The following RASAL2 variants were observed in gnomAD, a reference collection of about 807,000 sequenced individuals.
RASAL2 encodes the protein RAS protein activator like 2.
A neutral mutation model predicts 128.9 loss-of-function variants in RASAL2; 58 were observed. The ratio of observed to expected loss-of-function variants is 0.45; its 90% confidence interval spans 0.36 to 0.56. The LOEUF (loss-of-function observed/expected upper bound fraction) is 0.56, where lower values mean the gene tolerates loss of function less well. Ranked by LOEUF, RASAL2 falls within the 20% of genes least tolerant of loss-of-function variation. The pLI is 0.00. For missense variants in RASAL2, 1,360 were observed against 1,601.6 expected, an observed-to-expected ratio of 0.85 and a Z score of 2.57; for synonymous variants, 561 against 580.8, an observed-to-expected ratio of 0.97 and a Z score of 0.49.
At chr1:178,203,137 A>G (rs1281157540) in intron 1 of RASAL2, among the ~76,000 whole-genome samples, 1 of 152,202 alleles carries the variant, frequency 6.6e-6, no homozygotes, top group Non-Finnish European at 1.5e-5. Context: ...GGGCTTGCCT[A>G]TCCTGCACAT....
intron 1 of RASAL2, among the ~76,000 whole-genome samples, chr1:178,110,519 G>GTA (rs1213571914): frequency 1.4e-5 from 2 of 139,388 alleles, no homozygotes; most frequent in Non-Finnish European, 3.1e-5. Context: ...CATATATAGT[G>GTA]TATATATATG....
chr1:178,453,834 G>A (rs1364087353), intron 11 of RASAL2, among the ~76,000 whole-genome samples: 2 of 152,020 alleles, frequency 1.3e-5, no homozygotes, highest in African/African-American at 2.4e-5. Flanking sequence ...TGAACAGATT[G>A]TTTTCTAGTA....
chr1:178,118,961 A>G (rs1035520480), intron 1 of RASAL2, among the ~76,000 whole-genome samples: 13 of 151,874 alleles, frequency 8.6e-5, no homozygotes, highest in Non-Finnish European at 1.8e-4. Flanking sequence ...TCTGCCTCCC[A>G]GGTTCAAGTG....
chr1:178,377,200 G>A (rs924199509), intron 3 of RASAL2, among the ~76,000 whole-genome samples: 2 of 151,858 alleles, frequency 1.3e-5, no homozygotes, highest in African/African-American at 4.8e-5. Context: ...TTAATTATTT[G>A]GCATTGGCAA....
At chr1:178,178,414 A>T (rs1040510080) in intron 1 of RASAL2, among the ~76,000 whole-genome samples, 1 of 152,098 alleles carries the variant, frequency 6.6e-6, no homozygotes, top group African/African-American at 2.4e-5. Context: ...TTCTAGACAG[A>T]TTCGTAACTA....
intron 2 of RASAL2, 150 bp from the exon 3 acceptor site, chr1:178,299,842 C>G: frequency 1.4e-6 from 1 of 733,176 alleles, no homozygotes; most frequent in Non-Finnish European, 2.1e-6. Context: ...TTGGTAATAC[C>G]TTACCATTGT....
chr1:178,436,205 G>A (rs1276606803), intron 5 of RASAL2, among the ~76,000 whole-genome samples: 1 of 152,008 alleles, frequency 6.6e-6, no homozygotes, highest in Non-Finnish European at 1.5e-5. Context: ...AATTACTTCT[G>A]TCTTCTTAGA....
intron 1 of RASAL2, among the ~76,000 whole-genome samples, chr1:178,138,945 T>C (rs1004088706): frequency 1.3e-5 from 2 of 152,130 alleles, no homozygotes; most frequent in African/African-American, 4.8e-5. Flanking sequence ...TTTAAGATTA[T>C]ATAATACCCT....
chr1:178,302,466 A>G (rs944967532), intron 3 of RASAL2, among the ~76,000 whole-genome samples: 1 of 152,240 alleles, frequency 6.6e-6, no homozygotes, highest in Non-Finnish European at 1.5e-5. Context: ...AGACTTCTAC[A>G]TAGAGAACTT....
intron 1 of RASAL2, among the ~76,000 whole-genome samples, chr1:178,172,291 T>A (rs148731658): frequency 1.1e-4 from 17 of 152,194 alleles, no homozygotes; most frequent in Non-Finnish European, 2.4e-4. Context: ...TGCCTCTGAC[T>A]GTGGCCTAAA....
chr1:178,251,418 A>G (rs890064053), intron 1 of RASAL2, among the ~76,000 whole-genome samples: 1 of 152,204 alleles, frequency 6.6e-6, no homozygotes, highest in African/African-American at 2.4e-5. Context: ...TGATTTCCTC[A>G]TCACTTAAGA....
chr1:178,367,247 C>T (rs530627270), intron 3 of RASAL2, among the ~76,000 whole-genome samples: 24 of 152,226 alleles, frequency 1.6e-4, no homozygotes, highest in African/African-American at 5.5e-4. Flanking sequence ...AGCTGCAGTG[C>T]CTCCTGGCTG....
chr1:178,464,335 G>A lies in RASAL2; in HGVS notation c.3310G>A (p.Val1104Ile). Residue 1104 changes from valine (V) to isoleucine (I), a missense_variant, in exon 15 of 18, where the codon GTT becomes ATT. Val to Ile is a conservative substitution (Grantham distance 29, BLOSUM62 3). Coordinates refer to ENST00000367649, the MANE Select transcript of RASAL2 (RefSeq NM_170692.4). Reference protein sequence around the residue: ...MSPVERTAAWVLNNGQYEEDV... With the variant: ...MSPVERTAAWILNNGQYEEDV... The stretch of plus-strand genomic sequence containing the variant: ...CCCAGTAGAGAGGACAGCAGCCTGG[G>A]TTCTGAACAATGGGCAGTATGAAGA... 1 of 1,613,790 alleles carries A rather than the reference G, an allele frequency of 6.2e-7. No individual in the cohort carries two copies. The highest frequency in any genetic ancestry group is 8.5e-7 in the Non-Finnish European group (1 of 1,179,814).
chr1:178,284,725 T>C (rs1197393491), intron 2 of RASAL2, among the ~76,000 whole-genome samples: 2 of 152,114 alleles, frequency 1.3e-5, no homozygotes, highest in African/African-American at 4.8e-5. Flanking sequence ...TAATTCCCAA[T>C]TTCCACCATA....
intron 5 of RASAL2, among the ~76,000 whole-genome samples, chr1:178,438,142 GT>G (rs1572072915): frequency 6.8e-6 from 1 of 147,682 alleles, no homozygotes; most frequent in Admixed American, 6.8e-5. Flanking sequence ...GTGTGTGTGT[GT>G]GGAAAGAAGA....
Position 178,196,168 on chromosome 1 carries a change from T to A in RASAL2, c.203-87396T>A, listed in dbSNP as rs150371745. ...AGTTCTACCCTCTCCTTGGGGTACT[T>A]CTTCTCATTAATTTAAAAAAATAAA... is the stretch of plus-strand genomic sequence containing the variant. On this transcript the variant is annotated intron_variant, in intron 1 of 17. Transcript: ENST00000367649. Among the ~76,000 whole-genome samples, 1,085 of 152,268 alleles carry A rather than the reference T, an allele frequency of 7.1e-3. 12 individuals are homozygous for A. The highest frequency in any genetic ancestry group is 0.024 in the African/African-American group (1,004 of 41,574).
chr1:178,470,772 GC>G, intron 17 of RASAL2: 2 of 1,337,444 alleles, frequency 1.5e-6, no homozygotes, highest in Non-Finnish European at 2.0e-6. Context: ...CCCAGCCCTG[GC>G]CCAGTGCACT....
At chr1:178,109,766 A>G (rs1385593569) in intron 1 of RASAL2, among the ~76,000 whole-genome samples, 1 of 152,152 alleles carries the variant, frequency 6.6e-6, no homozygotes, top group African/African-American at 2.4e-5. Context: ...TGACGTCTAT[A>G]ATCCTGGTGT....
intron 1 of RASAL2, among the ~76,000 whole-genome samples, chr1:178,096,008 C>G (rs1052951019): frequency 2.0e-5 from 3 of 152,160 alleles, no homozygotes; most frequent in Non-Finnish European, 4.4e-5. Context: ...TGATGTTACT[C>G]TACGTACCGG....
Sources: allele counts gnomAD v4.1 joint callset (sites outside exome capture counted in the v4.1 genomes callset), GRCh38; gene constraint gnomAD v4.1.1; transcripts MANE v1.5; gene names NCBI Gene and HGNC (gene_info 2026-07-23, HGNC 2026-07-21).